Variants in IPO8 observed in about 807,000 individuals in gnomAD.
IPO8 encodes the protein importin-8.
A neutral mutation model predicts 141.2 loss-of-function variants in IPO8; 65 were observed. The ratio of observed to expected loss-of-function variants is 0.46; its 90% CI spans 0.38 to 0.57. IPO8 has a LOEUF of 0.57. Ranked by LOEUF, IPO8 falls within the 20% of genes least tolerant of loss-of-function variation. IPO8 has a pLI of 0.00. For missense variants in IPO8, 980 were observed against 1,246.8 expected, an observed-to-expected ratio of 0.79 and a Z score of 3.22; for synonymous variants, 411 against 420.3, an observed-to-expected ratio of 0.98 and a Z score of 0.27.
At position 30,662,205 on chromosome 12, in the gene IPO8, T is replaced by C. The variant is rs1223198651; in HGVS notation, c.1755+122A>G. 66 of 717,288 alleles carry C rather than the reference T, an allele frequency of 9.2e-5. 1 individual carries two copies. In the East Asian group the frequency reaches 1.7e-3, roughly 19 times the overall value. 44.4% of individuals were successfully genotyped at this position (717,288 alleles called of 1,614,324 possible). ...GCACCATCGTATATGCAATCTGTCA[T>C]TGACTGAAATGTTGTTAAGCAGCAC... On this transcript the variant is annotated intron_variant, in intron 15 of 24. Coordinates refer to ENST00000256079, the MANE Select transcript of IPO8 (RefSeq NM_006390.4).
chr12:30,659,518 C>A (rs1041069473), intron 16 of IPO8, among the ~76,000 whole-genome samples: 4 of 133,406 alleles, frequency 3.0e-5, no homozygotes, highest in Admixed American at 7.2e-5. Flanking sequence ...AAAAAAAAAA[C>A]CAAGTCATCT....
At chr12:30,650,680 C>T (rs983945706) in intron 19 of IPO8, among the ~76,000 whole-genome samples, 1 of 152,086 alleles carries the variant, frequency 6.6e-6, no homozygotes, top group African/African-American at 2.4e-5. Flanking sequence ...AAAATAATTA[C>T]TCCCTTTTCT....
intron 19 of IPO8, among the ~76,000 whole-genome samples, chr12:30,651,712 T>C (rs998023904): frequency 5.3e-5 from 8 of 152,206 alleles, no homozygotes; most frequent in African/African-American, 1.9e-4. Flanking sequence ...ATCATGTTTG[T>C]GTATAAGGAT....
At chr12:30,666,727 C>CA (rs749989164) in intron 10 of IPO8, among the ~76,000 whole-genome samples, 3 of 152,050 alleles carry the variant, frequency 2.0e-5, no homozygotes, top group Non-Finnish European at 4.4e-5. Flanking sequence ...GGTAAAGAGA[C>CA]AGAGTGACAG....
rs1379220019 is a variant in IPO8, at chr12:30,637,017, C to T, written c.2660G>A (p.Arg887His). 1.1e-5 allele frequency: 17 copies of T among 1,614,010 alleles called. No homozygotes were observed. The highest frequency in any genetic ancestry group is 5.0e-5 in the Admixed American group (3 of 60,022). ...CATATCAGCTTTCTCTGCTTTTGAA[C>T]GATCTTCCCGGTTTACCAGTTGTCT... is the stretch of plus-strand genomic sequence containing the variant. ...ATRQLVNRED[R>H]SKAEKADMEE... The change falls in exon 22 of 25, where the codon CGT (arginine) becomes CAT (histidine). Residue 887 changes from arginine to histidine, a missense_variant. Physicochemically the swap from Arg to His is conservative, Grantham distance 29. This residue lies in a region of IPO8 where 924 missense variants were observed against 1,153.9 expected (regional missense o/e 0.80). Transcript: ENST00000256079.
chr12:30,632,550 C>A (rs1322900355), intron 23 of IPO8, among the ~76,000 whole-genome samples: 3 of 152,186 alleles, frequency 2.0e-5, no homozygotes, highest in Non-Finnish European at 4.4e-5. Context: ...TCCCAGTCCA[C>A]TACTGTGCAT....
chr12:30,683,172 T>C (rs1316863819), intron 3 of IPO8, among the ~76,000 whole-genome samples: 1 of 152,164 alleles, frequency 6.6e-6, no homozygotes, highest in African/African-American at 2.4e-5. Context: ...ATCTGAAAAT[T>C]TAAGATTTTG....
chr12:30,662,563 G>A (rs1339300574), intron 14 of IPO8, 76 bp from the exon 15 acceptor site: 1 of 1,141,400 alleles, frequency 8.8e-7, no homozygotes, highest in Non-Finnish European at 1.3e-6. Flanking sequence ...TGGTCACAAG[G>A]TCAAGTGACC....
In IPO8 at chr12:30,636,905, T is replaced by C. The variant is rs539482433; in HGVS notation, c.2695+77A>G. Reference sequence around the variant, plus strand: ...AATGTAAATCTGTTTAATGTCTCCATATAGACTAGTATTCATATAAAATGC... The same window carrying C: ...AATGTAAATCTGTTTAATGTCTCCACATAGACTAGTATTCATATAAAATGC... On this transcript the variant is annotated intron_variant, in intron 22 of 24. Transcript: ENST00000256079. 29 of 1,175,146 alleles carry C rather than the reference T, an allele frequency of 2.5e-5. No individual in the cohort carries two copies. The East Asian group carries it at 6.7e-4, about 27-fold the overall frequency. The allele number at this position is 1,175,146 out of a possible 1,614,324, so 72.8% of individuals were successfully genotyped here.
chr12:30,690,839 C>T (rs2053284959), intron 1 of IPO8, among the ~76,000 whole-genome samples: 1 of 151,920 alleles, frequency 6.6e-6, no homozygotes, highest in Non-Finnish European at 1.5e-5. Flanking sequence ...AGTAGTATAC[C>T]AATTTACACT....
chr12:30,631,235 G>A (rs1489036254), intron 24 of IPO8, among the ~76,000 whole-genome samples: 3 of 152,144 alleles, frequency 2.0e-5, no homozygotes, highest in Non-Finnish European at 2.9e-5. Context: ...TGCTGAAAGG[G>A]GGCCCAGACT....
At position 30,665,755 on chromosome 12, in the gene IPO8, C is replaced by T. The variant is rs1436953966; in HGVS notation, c.1312G>A (p.Gly438Ser). 3 of 1,611,290 alleles carry T rather than the reference C, an allele frequency of 1.9e-6. No homozygotes were observed. The highest frequency in any genetic ancestry group is 1.7e-6 in the Non-Finnish European group (2 of 1,177,822). Residue 438 changes from glycine (G) to serine (S), a missense_variant, in exon 12 of 25, where the codon GGT (glycine) becomes AGT (serine). Coordinates refer to ENST00000256079, the MANE Select transcript of IPO8 (RefSeq NM_006390.4). ...RKKDGALHVI[G>S]SLAEILLKKS... ...TTCAGTAAAATCTCAGCTAGGGAAC[C>T]AATCACATGCAGGGCTCCATCTTTC...
At chr12:30,630,997 G>A in intron 24 of IPO8, 40 bp from the exon 25 acceptor site, 1 of 1,492,832 alleles carries the variant, frequency 6.7e-7, no homozygotes, top group Admixed American at 1.7e-5. Context: ...GAAAAAAAAA[G>A]AATGCTTAAG....
chr12:30,662,635 T>C (rs1591833825), intron 14 of IPO8, 148 bp from the exon 15 acceptor site: 1 of 680,140 alleles, frequency 1.5e-6, no homozygotes, highest in African/African-American at 1.8e-5. Context: ...TACAAAGCTG[T>C]ACCTAAATAA....
intron 6 of IPO8, among the ~76,000 whole-genome samples, chr12:30,676,208 G>A (rs558616042): frequency 5.9e-5 from 9 of 152,216 alleles, no homozygotes; most frequent in Admixed American, 1.3e-4. Context: ...TTACATGTGT[G>A]AGACACCATG....
chr12:30,684,262 C>T, intron 3 of IPO8, 39 bp downstream of exon 3: 1 of 1,593,696 alleles, frequency 6.3e-7, no homozygotes, highest in Non-Finnish European at 8.6e-7. Flanking sequence ...CTAACCATTT[C>T]ATGCTTTCTA....
intron 3 of IPO8, among the ~76,000 whole-genome samples, chr12:30,682,639 C>T (rs980189215): frequency 6.6e-6 from 1 of 151,968 alleles, no homozygotes; most frequent in East Asian, 1.9e-4. Context: ...ACTATCAATT[C>T]AATGTTATCA....
chr12:30,682,683 T>A (rs2053201177), intron 3 of IPO8, among the ~76,000 whole-genome samples: 1 of 152,066 alleles, frequency 6.6e-6, no homozygotes, highest in South Asian at 2.1e-4. Flanking sequence ...TTTCAAATGG[T>A]TAGAAAACAA....
intron 20 of IPO8, among the ~76,000 whole-genome samples, chr12:30,643,914 A>G (rs1301737733): frequency 6.6e-6 from 1 of 152,238 alleles, no homozygotes; most frequent in East Asian, 1.9e-4. Flanking sequence ...CCTACAGCTC[A>G]GAACCCTCCA....
Sources: allele counts gnomAD v4.1 joint callset (sites outside exome capture counted in the v4.1 genomes callset), GRCh38; gene constraint gnomAD v4.1.1; regional missense constraint gnomAD v4.1.1; transcripts MANE v1.5; gene names NCBI Gene and HGNC (gene_info 2026-07-23, HGNC 2026-07-21).